RNPEP: variants seen among roughly 807,000 people sequenced by gnomAD.
RNPEP encodes aminopeptidase B.
RNPEP carries 57 observed loss-of-function variants against 70.1 expected under a neutral mutation model. The observed-to-expected ratio is 0.81, with a 90% confidence interval of 0.66 to 1.01. The LOEUF (loss-of-function observed/expected upper bound fraction) is 1.01. RNPEP is among the 50% of genes least tolerant of loss of function. The pLI is 0.00. For missense variants in RNPEP, 787 were observed against 852.4 expected (o/e 0.92, Z 0.96); for synonymous variants, 335 against 357.4 (o/e 0.94, Z 0.71).
At chr1:201,989,794 T>C (rs1287734544) in intron 3 of RNPEP, among the ~76,000 whole-genome samples, 1 of 152,112 alleles carries the variant, frequency 6.6e-6, no homozygotes, top group African/African-American at 2.4e-5. Flanking sequence ...TGTCCTGGGC[T>C]GCCTTACAGA....
intron 8 of RNPEP, among the ~76,000 whole-genome samples, chr1:202,002,259 G>C (rs1183658804): frequency 6.6e-6 from 1 of 152,038 alleles, no homozygotes; most frequent in Admixed American, 6.5e-5. Context: ...CGCCTGCCGG[G>C]TTCAAGCGAT....
At chr1:201,993,430 CT>C (rs1683414899) in intron 3 of RNPEP, among the ~76,000 whole-genome samples, 1 of 152,132 alleles carries the variant, frequency 6.6e-6, no homozygotes, top group South Asian at 2.1e-4. Context: ...AACCCCATCT[CT>C]CCTAAAAACA....
chr1:201,989,122 A>T (rs1683233566), intron 2 of RNPEP, 78 bp downstream of exon 2: 1 of 1,524,080 alleles, frequency 6.6e-7, no homozygotes. Flanking sequence ...GTCACGTTTC[A>T]GTGGTAAATT....
At position 202,003,567 on chromosome 1, in the gene RNPEP, C is replaced by T. The variant is rs553372413; in HGVS notation, c.1651+106C>T. The T allele has an allele frequency of 2.0e-4, 153 of 775,768 alleles. No homozygotes were observed. The South Asian group carries it at 2.3e-3, about 12-fold the overall frequency. The allele number at this position is 775,768 out of a possible 1,614,324, so 48.1% of individuals were successfully genotyped here. A position where few individuals can be genotyped will look rare whatever the true frequency, so the allele number is the denominator to read the frequency against. Reference sequence around the variant, plus strand: ...GATGCTTGCCCCTAGGGAACTGCCACGTACACTAGGGAGGCTGGCACTCCA... The same window carrying T: ...GATGCTTGCCCCTAGGGAACTGCCATGTACACTAGGGAGGCTGGCACTCCA... On this transcript the variant is annotated intron_variant, in intron 9 of 10. Transcript: ENST00000295640.
At chr1:201,990,129 G>A (rs1233616859) in intron 3 of RNPEP, among the ~76,000 whole-genome samples, 1 of 152,212 alleles carries the variant, frequency 6.6e-6, no homozygotes, top group Non-Finnish European at 1.5e-5. Flanking sequence ...ACAGGCATGA[G>A]CCATCATGCC....
intron 9 of RNPEP, among the ~76,000 whole-genome samples, 193 bp downstream of exon 9, chr1:202,003,654 G>A (rs1683928514): frequency 6.6e-6 from 1 of 152,072 alleles, no homozygotes; most frequent in African/African-American, 2.4e-5. Context: ...AGGGAGGCTG[G>A]CACTCCACAA....
rs546531182 is a variant in RNPEP at position 202,002,442 on chromosome 1, G to A, written c.1426+675G>A. Among the ~76,000 whole-genome samples, 52 of 152,330 alleles carry A rather than the reference G, an allele frequency of 3.4e-4. 1 individual carries two copies. The highest frequency in any genetic ancestry group is 1.0e-3 in the Admixed American group (16 of 15,298). ...CTCCCAAAGTGCTGGGATTACAGGC[G>A]TGAGCCGCTGTGCCCAGCCGCCAGT... On this transcript the variant is annotated intron_variant, in intron 8 of 10. Coordinates refer to ENST00000295640, the MANE Select transcript of RNPEP (RefSeq NM_020216.4).
chr1:201,993,147 G>A (rs904377759), intron 3 of RNPEP, among the ~76,000 whole-genome samples: 3 of 151,978 alleles, frequency 2.0e-5, no homozygotes, highest in Non-Finnish European at 2.9e-5. Context: ...TTATCCTTCC[G>A]GACTGCAACA....
intron 1 of RNPEP, chr1:201,983,626 C>T (rs1377596701): frequency 8.2e-6 from 10 of 1,226,148 alleles, no homozygotes; most frequent in Non-Finnish European, 1.0e-5. Flanking sequence ...GGTTAAAGCT[C>T]TTATCTTTGT....
intron 3 of RNPEP, among the ~76,000 whole-genome samples, 187 bp downstream of exon 3, chr1:201,989,718 A>G (rs1023423180): frequency 1.3e-5 from 2 of 150,400 alleles, no homozygotes; most frequent in Non-Finnish European, 3.0e-5. Context: ...TGCCTTTCTC[A>G]CTCCCTCTCT....
chr1:201,995,936 C>T (rs1683529143), intron 3 of RNPEP: 1 of 557,986 alleles, frequency 1.8e-6, no homozygotes, highest in African/African-American at 1.9e-5. Context: ...ACGGTTCCAC[C>T]TCCATGAGGC....
chr1:201,988,210 A>C (rs1426547504), intron 1 of RNPEP, among the ~76,000 whole-genome samples: 2 of 151,732 alleles, frequency 1.3e-5, no homozygotes, highest in African/African-American at 4.8e-5. Context: ...CTGTATTCCC[A>C]GCACTTTGGG....
chr1:201,999,427 T>C (rs1339585573), intron 5 of RNPEP, among the ~76,000 whole-genome samples: 1 of 150,642 alleles, frequency 6.6e-6, no homozygotes, highest in African/African-American at 2.4e-5. Context: ...TAATCCCGGC[T>C]ACTCAGGAGG....
At chr1:201,996,428 A>T (rs1340736997) in intron 4 of RNPEP, 165 bp downstream of exon 4, 5 of 589,154 alleles carry the variant, frequency 8.5e-6, no homozygotes, top group Non-Finnish European at 1.6e-5. Context: ...CAGGCTTCTC[A>T]CTGTTGCTGA....
Position 201,982,984 on chromosome 1 carries a change from G to C in RNPEP, c.318G>C (p.Glu106Asp), listed in dbSNP as rs1335743281. The C allele has an allele frequency of 5.3e-6, 8 of 1,514,882 alleles. No individual in the cohort carries two copies. The highest frequency in any genetic ancestry group is 5.3e-6 in the Non-Finnish European group (6 of 1,133,970). 93.8% of individuals were successfully genotyped at this position (1,514,882 alleles called of 1,614,324 possible). A position where few individuals can be genotyped will look rare whatever the true frequency, so the allele number is the denominator to read the frequency against. Residue 106 changes from glutamate (E) to aspartate (D), a missense_variant, in exon 1 of 11, where the codon GAG (glutamate) becomes GAC (aspartate). Coordinates refer to ENST00000295640, the MANE Select transcript of RNPEP (RefSeq NM_020216.4). ...ERPGSEEPPA[E>D]PVSFYTQPFS... ...CCGGCTCGGAGGAGCCGCCTGCGGAGCCCGTGAGCTTCTACACGCAGCCCT... is the reference window on the plus strand; with the variant it reads ...CCGGCTCGGAGGAGCCGCCTGCGGACCCCGTGAGCTTCTACACGCAGCCCT...
At chr1:201,983,713 C>A in intron 1 of RNPEP, 2 of 1,155,262 alleles carry the variant, frequency 1.7e-6, no homozygotes, top group Non-Finnish European at 2.2e-6. Context: ...AATTAGGGTG[C>A]TATAAGCATT....
chr1:201,997,271 T>A (rs1252017839), intron 4 of RNPEP, 48 bp from the exon 5 acceptor site: 1 of 1,456,960 alleles, frequency 6.9e-7, no homozygotes, highest in African/African-American at 1.4e-5. Flanking sequence ...AGGTAGGGTC[T>A]GCTCCGGGAA....
chr1:201,993,906 C>G (rs1459012752), intron 3 of RNPEP, among the ~76,000 whole-genome samples: 1 of 144,192 alleles, frequency 6.9e-6, no homozygotes, highest in Admixed American at 6.9e-5. Context: ...TTCTTGAAAC[C>G]CCCCCACCCC....
chr1:201,983,306 T>C (rs1415060950), intron 1 of RNPEP, 193 bp downstream of exon 1: 4 of 1,406,140 alleles, frequency 2.8e-6, no homozygotes, highest in Non-Finnish European at 2.8e-6. Flanking sequence ...CCGGGCTGCC[T>C]GGTTTCCTTC....
Sources: allele counts gnomAD v4.1 joint callset (sites outside exome capture counted in the v4.1 genomes callset), GRCh38; gene constraint gnomAD v4.1.1; transcripts MANE v1.5; gene names NCBI Gene and HGNC (gene_info 2026-07-23, HGNC 2026-07-21).